Variants in PALM2AKAP2 observed in about 807,000 individuals in gnomAD.
The protein encoded by PALM2AKAP2 is PALM2 and AKAP2 fusion, also known as PALM2-AKAP2 fusion protein.
Under a neutral mutation model 71.5 loss-of-function variants are expected in PALM2AKAP2, and 37 were observed. The observed-to-expected ratio is 0.52, with a 90% CI of 0.40 to 0.68. PALM2AKAP2 has a LOEUF of 0.68. PALM2AKAP2 is among the 30% of genes least tolerant of loss of function. The pLI, the probability that PALM2AKAP2 is intolerant of heterozygous loss-of-function variation, is 0.00. For synonymous variants in PALM2AKAP2, 468 were observed against 478.8 expected, an observed-to-expected ratio of 0.98 and a Z score of 0.29; for missense variants, 1,224 against 1,191.8, an observed-to-expected ratio of 1.03 and a Z score of -0.40.
intron 6 of PALM2AKAP2, among the ~76,000 whole-genome samples, chr9:109,960,508 G>A (rs1831834362): frequency 6.6e-6 from 1 of 152,190 alleles, no homozygotes; most frequent in Non-Finnish European, 1.5e-5. Flanking sequence ...TGAGCACGGT[G>A]GTATGTGCCT....
chr9:109,920,749 A>G (rs373287210), intron 3 of PALM2AKAP2, among the ~76,000 whole-genome samples: 1 of 152,032 alleles, frequency 6.6e-6, no homozygotes, highest in Non-Finnish European at 1.5e-5. Context: ...ATTTAAATCA[A>G]ATCTGCTCAG....
intron 6 of PALM2AKAP2, among the ~76,000 whole-genome samples, chr9:109,934,381 C>A (rs1200665036): frequency 6.6e-6 from 1 of 152,188 alleles, no homozygotes; most frequent in Non-Finnish European, 1.5e-5. Flanking sequence ...CAGAGCACAT[C>A]TAAGTTCTAA....
chr9:110,054,138 G>A lies in PALM2AKAP2; in HGVS notation c.156+5283G>A, dbSNP rs542973173. ...TACCAGGCTGGGCATGGTGGCTCACGCCTATAATCCCAGCACTTTGGGAGG... is the reference window on the plus strand; with the variant it reads ...TACCAGGCTGGGCATGGTGGCTCACACCTATAATCCCAGCACTTTGGGAGG... On this transcript the variant is annotated intron_variant, in intron 1 of 3. Coordinates refer to ENST00000374525, the Ensembl canonical transcript of PALM2AKAP2. Among the ~76,000 whole-genome samples the A allele has an allele frequency of 5.3e-5, 8 of 152,326 alleles. No individual in the cohort carries two copies. In the Middle Eastern group the frequency reaches 0.01, roughly 194 times the overall value.
chr9:110,143,896 G>A (rs1453367383), intron 2 of PALM2AKAP2, among the ~76,000 whole-genome samples: 1 of 152,202 alleles, frequency 6.6e-6, no homozygotes, highest in Non-Finnish European at 1.5e-5. Context: ...AGTTATAAAT[G>A]TTACTTTTGT....
At chr9:109,925,573 G>T (rs560873219) in intron 5 of PALM2AKAP2, among the ~76,000 whole-genome samples, 1 of 151,952 alleles carries the variant, frequency 6.6e-6, no homozygotes, top group Non-Finnish European at 1.5e-5. Context: ...GACAACTGTC[G>T]TTTCTTTCAT....
chr9:109,918,334 A>G (rs575354981), intron 3 of PALM2AKAP2, among the ~76,000 whole-genome samples: 1 of 152,316 alleles, frequency 6.6e-6, no homozygotes, highest in South Asian at 2.1e-4. Flanking sequence ...GGGGTTAGGT[A>G]CATTTTATAA....
intron 1 of PALM2AKAP2, among the ~76,000 whole-genome samples, chr9:109,644,362 G>A (rs938842099): frequency 6.6e-6 from 1 of 152,050 alleles, no homozygotes; most frequent in Non-Finnish European, 1.5e-5. Context: ...GTGAAATAGG[G>A]ACTCCATTCC....
chr9:109,893,836 G>A (rs1054222214), intron 3 of PALM2AKAP2, among the ~76,000 whole-genome samples: 1 of 152,170 alleles, frequency 6.6e-6, no homozygotes, highest in African/African-American at 2.4e-5. Flanking sequence ...GCCAGTCGAG[G>A]GGGCTGCGGG....
intron 1 of PALM2AKAP2, among the ~76,000 whole-genome samples, chr9:109,795,020 G>T (rs1462402759): frequency 1.3e-5 from 2 of 152,240 alleles, no homozygotes; most frequent in Non-Finnish European, 2.9e-5. Context: ...CTGAGCAGCT[G>T]CTTGGAGAAT....
intron 1 of PALM2AKAP2, among the ~76,000 whole-genome samples, chr9:109,844,980 C>T (rs13299867): frequency 0.16 from 23,358 of 147,254 alleles, 2,118 homozygotes; most frequent in East Asian, 0.4. Context: ...CACGCATGCA[C>T]GCACACACGC....
chr9:110,035,502 TG>T (rs1833379409), intron 7 of PALM2AKAP2, among the ~76,000 whole-genome samples: 1 of 128,984 alleles, frequency 7.8e-6, no homozygotes, highest in South Asian at 2.4e-4. Flanking sequence ...AACATATATA[TG>T]ATATGTTGTG....
chr9:109,859,352 G>C (rs532028585), intron 1 of PALM2AKAP2, among the ~76,000 whole-genome samples: 1 of 152,142 alleles, frequency 6.6e-6, no homozygotes, highest in Non-Finnish European at 1.5e-5. Context: ...TAAGATCTAA[G>C]GTTGGATAGC....
At chr9:109,783,835 CATA>C (rs1443661236) in intron 1 of PALM2AKAP2, among the ~76,000 whole-genome samples, 1 of 152,224 alleles carries the variant, frequency 6.6e-6, no homozygotes, top group Non-Finnish European at 1.5e-5. Context: ...ACCTTTTGCA[CATA>C]ATTTCTTGAA....
chr9:110,088,289 G>A (rs1003974640), intron 1 of PALM2AKAP2, among the ~76,000 whole-genome samples: 3 of 152,002 alleles, frequency 2.0e-5, no homozygotes, highest in African/African-American at 7.3e-5. Flanking sequence ...TTGCAGGAGG[G>A]GACCAATCAG....
chr9:109,882,354 A>G (rs935184269), intron 3 of PALM2AKAP2, among the ~76,000 whole-genome samples: 1 of 152,198 alleles, frequency 6.6e-6, no homozygotes, highest in African/African-American at 2.4e-5. Flanking sequence ...AGGTCCTCAC[A>G]TGTCTTAAAG....
chr9:110,162,659 A>G (rs1443192577), intron 3 of PALM2AKAP2, among the ~76,000 whole-genome samples: 2 of 152,130 alleles, frequency 1.3e-5, no homozygotes, highest in Non-Finnish European at 2.9e-5. Context: ...TCCAATCTTT[A>G]AACGTGTATT....
At chr9:109,809,336 C>T (rs1190011830) in intron 1 of PALM2AKAP2, among the ~76,000 whole-genome samples, 1 of 152,198 alleles carries the variant, frequency 6.6e-6, no homozygotes, top group African/African-American at 2.4e-5. Context: ...CCACCTCTTG[C>T]ATCAGCGTGA....
chr9:109,911,949 A>G (rs1017239463), intron 3 of PALM2AKAP2, among the ~76,000 whole-genome samples: 47 of 152,342 alleles, frequency 3.1e-4, no homozygotes, highest in African/African-American at 1.1e-3. Context: ...ATCAGAATGA[A>G]TGAACATACC....
At chr9:110,056,337 A>G (rs1425195612) in intron 1 of PALM2AKAP2, among the ~76,000 whole-genome samples, 4 of 152,198 alleles carry the variant, frequency 2.6e-5, no homozygotes, top group South Asian at 4.1e-4. Flanking sequence ...GGTGCCTCCC[A>G]TAAGTTTTTT....
Sources: gnomAD v4.1 joint callset for allele counts (sites outside exome capture counted in the v4.1 genomes callset) on GRCh38, gnomAD v4.1.1 for gene constraint, MANE v1.5 for transcripts, NCBI Gene and HGNC (gene_info 2026-07-23, HGNC 2026-07-21) for gene names.